GPHN: variants seen among roughly 807,000 people sequenced by gnomAD.
GPHN encodes the protein gephyrin.
GPHN carries 17 observed loss-of-function variants against 95.5 expected under a neutral mutation model. The observed-to-expected ratio is 0.18, with a 90% CI of 0.12 to 0.27. The LOEUF (loss-of-function observed/expected upper bound fraction) is 0.27. Ranked by LOEUF, GPHN falls within the 10% of genes least tolerant of loss-of-function variation. The probability of loss-of-function intolerance (pLI) is 1.00; values close to 1 mark genes in which losing one functional copy is unlikely to be tolerated. For synonymous variants in GPHN, 320 were observed against 322.5 expected, an observed-to-expected ratio of 0.99 and a Z score of 0.08; for missense variants, 660 against 978.1, an observed-to-expected ratio of 0.67 and a Z score of 4.34.
At chr14:67,014,157 A>T (rs962227901) in intron 9 of GPHN, among the ~76,000 whole-genome samples, 1 of 152,126 alleles carries the variant, frequency 6.6e-6, no homozygotes, top group Non-Finnish European at 1.5e-5. Flanking sequence ...AAACAAAAGG[A>T]TAATAGTAGG....
At chr14:67,653,078 C>T in the GPHN span, among the ~76,000 whole-genome samples, 1 of 152,104 alleles carries the variant, frequency 6.6e-6, no homozygotes, top group African/African-American at 2.4e-5. Context: ...CATGAGCCAC[C>T]GCACGGGGCT....
chr14:67,709,905 A>C, the GPHN span, among the ~76,000 whole-genome samples: 1 of 152,186 alleles, frequency 6.6e-6, no homozygotes, highest in East Asian at 1.9e-4. Flanking sequence ...CTTAGGGCAA[A>C]CCTGCCTTCC....
intron 17 of GPHN, among the ~76,000 whole-genome samples, chr14:67,138,445 TTCTC>T (rs1029343175): frequency 3.9e-5 from 6 of 152,178 alleles, no homozygotes; most frequent in Non-Finnish European, 7.3e-5. Context: ...ATGAACTGTT[TTCTC>T]TCTATTATAT....
the GPHN span, chr14:67,347,512 T>TC: frequency 6.8e-7 from 1 of 1,475,370 alleles, no homozygotes. Flanking sequence ...CTTTTTTTTT[T>TC]TTTTCTGAGA....
the GPHN span, among the ~76,000 whole-genome samples, chr14:67,297,925 G>C: frequency 6.6e-6 from 1 of 152,186 alleles, no homozygotes; most frequent in Non-Finnish European, 1.5e-5. Flanking sequence ...TCAGTCTTAT[G>C]AGTACATATT....
the GPHN span, among the ~76,000 whole-genome samples, chr14:67,441,119 C>T: frequency 4.0e-4 from 61 of 152,146 alleles, no homozygotes; most frequent in African/African-American, 1.3e-3. Context: ...TTTAGATGAA[C>T]GTTTTTAAAA....
chr14:66,984,906 T>TTTA (rs1368070740), intron 9 of GPHN, among the ~76,000 whole-genome samples: 1 of 151,918 alleles, frequency 6.6e-6, no homozygotes, highest in African/African-American at 2.4e-5. Context: ...TAGAGCTCTA[T>TTTA]TTAAAAAGTA....
chr14:66,977,631 AC>A (rs962059181), intron 9 of GPHN, among the ~76,000 whole-genome samples: 1 of 152,174 alleles, frequency 6.6e-6, no homozygotes, highest in Non-Finnish European at 1.5e-5. Flanking sequence ...TTATTCTATA[AC>A]CTTAAAAATC....
chr14:67,511,670 G>T, the GPHN span, among the ~76,000 whole-genome samples: 1 of 152,214 alleles, frequency 6.6e-6, no homozygotes, highest in East Asian at 1.9e-4. Flanking sequence ...AGAGGAGGGT[G>T]GAAAGTCGCC....
At chr14:67,596,369 G>A in the GPHN span, among the ~76,000 whole-genome samples, 5 of 129,756 alleles carry the variant, frequency 3.9e-5, no homozygotes, top group African/African-American at 1.4e-4. Context: ...TCGAACTCCT[G>A]ACCTCAGGCA....
chr14:66,998,396 T>TCAC (rs1446702933), intron 9 of GPHN, among the ~76,000 whole-genome samples: 5 of 152,184 alleles, frequency 3.3e-5, no homozygotes, highest in Non-Finnish European at 5.9e-5. Context: ...TTAAGTAATA[T>TCAC]TCGTGATAAT....
At chr14:66,813,385 G>A (rs970901738) in intron 3 of GPHN, among the ~76,000 whole-genome samples, 3 of 152,210 alleles carry the variant, frequency 2.0e-5, no homozygotes, top group African/African-American at 4.8e-5. Flanking sequence ...AGTGGACCAG[G>A]AGAAGACATA....
chr14:67,718,810 T>G, the GPHN span, among the ~76,000 whole-genome samples: 1 of 152,216 alleles, frequency 6.6e-6, no homozygotes, highest in Admixed American at 6.5e-5. Context: ...ATGGCTTTGC[T>G]TATGTGCCAA....
chr14:67,287,952 G>A, the GPHN span, among the ~76,000 whole-genome samples: 1 of 152,190 alleles, frequency 6.6e-6, no homozygotes, highest in African/African-American at 2.4e-5. Context: ...AAATTCCCCT[G>A]AGGTTGAAGA....
At chr14:67,283,746 G>A in the GPHN span, among the ~76,000 whole-genome samples, 5 of 152,120 alleles carry the variant, frequency 3.3e-5, no homozygotes, top group African/African-American at 1.2e-4. Context: ...TAGAGTATAT[G>A]TATAGTAATG....
the GPHN span, chr14:67,350,580 T>G: frequency 1.3e-6 from 2 of 1,576,174 alleles, no homozygotes; most frequent in East Asian, 4.5e-5. Context: ...CACTTTGTTT[T>G]GCTTCAAAAC....
chr14:66,695,175 A>G (rs1481898596), intron 2 of GPHN, among the ~76,000 whole-genome samples: 1 of 150,968 alleles, frequency 6.6e-6, no homozygotes, highest in African/African-American at 2.4e-5. Context: ...AAATAAATAA[A>G]TAAAAATAAA....
the GPHN span, among the ~76,000 whole-genome samples, chr14:67,448,937 C>T: frequency 6.6e-6 from 1 of 152,156 alleles, no homozygotes; most frequent in Admixed American, 6.5e-5. Context: ...CTGTGAAAGA[C>T]CATCCCATGA....
the GPHN span, chr14:67,569,076 C>T: frequency 8.7e-7 from 1 of 1,148,208 alleles, no homozygotes; most frequent in Non-Finnish European, 1.3e-6. Context: ...CCTGCACATG[C>T]CTGGAGGGGG....
Sources: allele counts gnomAD v4.1 joint callset (sites outside exome capture counted in the v4.1 genomes callset), GRCh38; gene constraint gnomAD v4.1.1; transcripts MANE v1.5; gene names NCBI Gene and HGNC (gene_info 2026-07-23, HGNC 2026-07-21).